Variants in CSMD1 observed in about 807,000 individuals in gnomAD.
The protein encoded by CSMD1 is CUB and sushi domain-containing protein 1.
A neutral mutation model predicts 417.5 loss-of-function variants in CSMD1; 213 were observed. The observed-to-expected ratio is 0.51, with a 90% CI of 0.46 to 0.57. The LOEUF is 0.57. CSMD1 is among the 20% of genes least tolerant of loss of function. The probability of loss-of-function intolerance (pLI) is 0.00; values close to 1 mark genes in which losing one functional copy is unlikely to be tolerated. For synonymous variants in CSMD1, 2,862 were observed against 1,736.8 expected (o/e 1.65, Z -16.11); for missense variants, 6,923 against 4,529.7 (o/e 1.53, Z -15.17).
rs150154246 is a variant in CSMD1, at chr8:3,715,237, C to G, written c.932-6746G>C. On this transcript the variant is annotated intron_variant, in intron 6 of 69. Transcript: ENST00000635120. ...AAGACCCATTAAATTTCTAAGTAAGCGTTGAGCCAATTTCCTATTCTCTGC... is the reference window on the plus strand; with the variant it reads ...AAGACCCATTAAATTTCTAAGTAAGGGTTGAGCCAATTTCCTATTCTCTGC... Among the ~76,000 whole-genome samples the G allele has an allele frequency of 3.9e-3, 594 of 152,200 alleles. 7 individuals carry two copies. Among genetic ancestry groups the G allele is most frequent in the African/African-American group, 0.013 (557 of 41,526 alleles).
At chr8:3,389,003 A>C (rs978771175) in intron 17 of CSMD1, among the ~76,000 whole-genome samples, 9 of 152,016 alleles carry the variant, frequency 5.9e-5, no homozygotes, top group Non-Finnish European at 1.2e-4. Flanking sequence ...TTTATGCATT[A>C]TTGGCTCCAA....
At chr8:4,250,654 T>A (rs910998918) in intron 3 of CSMD1, among the ~76,000 whole-genome samples, 5 of 152,224 alleles carry the variant, frequency 3.3e-5, no homozygotes, top group African/African-American at 1.2e-4. Context: ...TAGATACTAT[T>A]GTAATTATCA....
intron 2 of CSMD1, among the ~76,000 whole-genome samples, chr8:4,565,610 C>T (rs1324868327): frequency 6.6e-6 from 1 of 151,614 alleles, no homozygotes; most frequent in African/African-American, 2.4e-5. Flanking sequence ...TTACAGGCAC[C>T]TGTAGTCCCA....
At chr8:2,959,233 A>G (rs1307695459) in intron 62 of CSMD1, among the ~76,000 whole-genome samples, 1 of 152,208 alleles carries the variant, frequency 6.6e-6, no homozygotes, top group Non-Finnish European at 1.5e-5. Flanking sequence ...CCTTCTGCAC[A>G]GCTGTGACAA....
At chr8:4,189,182 T>C (rs1006246653) in intron 3 of CSMD1, among the ~76,000 whole-genome samples, 2 of 152,232 alleles carry the variant, frequency 1.3e-5, no homozygotes, top group African/African-American at 4.8e-5. Context: ...ACACAGCACG[T>C]AAGTGCCCAG....
At chr8:3,336,970 T>C (rs931703305) in intron 23 of CSMD1, among the ~76,000 whole-genome samples, 12 of 152,200 alleles carry the variant, frequency 7.9e-5, no homozygotes, top group Non-Finnish European at 1.5e-4. Flanking sequence ...ACTGACCTTA[T>C]GCCAGTTGCT....
At chr8:4,209,741 C>T (rs1156809835) in intron 3 of CSMD1, among the ~76,000 whole-genome samples, 3 of 152,172 alleles carry the variant, frequency 2.0e-5, no homozygotes, top group Non-Finnish European at 4.4e-5. Context: ...ATGTCCTGCT[C>T]CTAGCACAGC....
chr8:4,158,292 C>T (rs961722422), intron 3 of CSMD1, among the ~76,000 whole-genome samples: 8 of 151,984 alleles, frequency 5.3e-5, no homozygotes, highest in African/African-American at 1.9e-4. Context: ...AACAGAAGTA[C>T]ATGTCAAGCC....
chr8:4,498,058 G>A (rs896349188), intron 2 of CSMD1, among the ~76,000 whole-genome samples: 5 of 152,138 alleles, frequency 3.3e-5, no homozygotes, highest in Non-Finnish European at 7.4e-5. Context: ...TCCTCCATGT[G>A]TGTGAGATAC....
At chr8:3,531,296 G>C (rs576036575) in intron 10 of CSMD1, among the ~76,000 whole-genome samples, 2 of 152,190 alleles carry the variant, frequency 1.3e-5, no homozygotes, top group East Asian at 3.9e-4. Context: ...ATTTGTTGTT[G>C]TGTGAGTACT....
At chr8:4,016,337 C>G (rs1033271619) in intron 4 of CSMD1, among the ~76,000 whole-genome samples, 1 of 152,140 alleles carries the variant, frequency 6.6e-6, no homozygotes, top group Non-Finnish European at 1.5e-5. Context: ...GACCAACTGA[C>G]TCTCAGACAT....
chr8:4,831,578 G>A (rs1362074166), intron 1 of CSMD1, among the ~76,000 whole-genome samples: 1 of 151,928 alleles, frequency 6.6e-6, no homozygotes, highest in Non-Finnish European at 1.5e-5. Flanking sequence ...CTTACAAAAT[G>A]TCATGCCAAG....
At chr8:4,117,145 G>T (rs559601519) in intron 3 of CSMD1, among the ~76,000 whole-genome samples, 1 of 151,722 alleles carries the variant, frequency 6.6e-6, no homozygotes, top group Non-Finnish European at 1.5e-5. Context: ...AAGGAGAAAA[G>T]ACAGACACGT....
intron 12 of CSMD1, among the ~76,000 whole-genome samples, chr8:3,453,841 A>G (rs937309520): frequency 3.3e-5 from 5 of 152,148 alleles, no homozygotes; most frequent in Admixed American, 2.0e-4. Context: ...CTTGGTGCAG[A>G]GCTGACTTCA....
At chr8:3,438,538 A>T (rs949865805) in intron 12 of CSMD1, among the ~76,000 whole-genome samples, 1 of 151,978 alleles carries the variant, frequency 6.6e-6, no homozygotes, top group Non-Finnish European at 1.5e-5. Context: ...GGTCAGCACC[A>T]CTCTCTGGAG....
intron 3 of CSMD1, among the ~76,000 whole-genome samples, chr8:4,182,285 G>T (rs527903470): frequency 1.3e-5 from 2 of 152,078 alleles, no homozygotes; most frequent in Non-Finnish European, 2.9e-5. Context: ...TTGTTTAAAA[G>T]AGGGTAAAGT....
intron 1 of CSMD1, among the ~76,000 whole-genome samples, chr8:4,965,291 G>T (rs1250047940): frequency 6.6e-6 from 1 of 152,176 alleles, no homozygotes; most frequent in African/African-American, 2.4e-5. Flanking sequence ...TACTTATTGT[G>T]TATCAGGCAT....
At chr8:3,269,811 C>T (rs925885136) in intron 26 of CSMD1, among the ~76,000 whole-genome samples, 1 of 152,146 alleles carries the variant, frequency 6.6e-6, no homozygotes, top group Non-Finnish European at 1.5e-5. Context: ...CAGTTCATGT[C>T]CTTCTGTTTT....
intron 3 of CSMD1, among the ~76,000 whole-genome samples, chr8:4,077,027 G>A (rs191019962): frequency 6.6e-6 from 1 of 151,922 alleles, no homozygotes; most frequent in Non-Finnish European, 1.5e-5. Flanking sequence ...GCAACTCTAG[G>A]TAATTCTGTA....
Sources: gnomAD v4.1 joint callset for allele counts (sites outside exome capture counted in the v4.1 genomes callset) on GRCh38, gnomAD v4.1.1 for gene constraint, MANE v1.5 for transcripts, NCBI Gene and HGNC (gene_info 2026-07-23, HGNC 2026-07-21) for gene names.